B3GALT1: variants seen among roughly 807,000 people sequenced by gnomAD.
B3GALT1 encodes the protein UDP-Gal:betaGlcNAc beta 1,3-galactosyltransferase, polypeptide 1.
B3GALT1 carries 10 observed loss-of-function variants against 23.2 expected under a neutral mutation model. That is an observed-to-expected ratio of 0.43 (90% confidence interval 0.27 to 0.73). B3GALT1 has a LOEUF of 0.73. Ranked by LOEUF, B3GALT1 falls within the 30% of genes least tolerant of loss-of-function variation. The probability of loss-of-function intolerance (pLI) is 0.21; values close to 1 mark genes in which losing one functional copy is unlikely to be tolerated. For missense variants in B3GALT1, 299 were observed against 405.4 expected (o/e 0.74, Z 2.25); for synonymous variants, 156 against 141.5 (o/e 1.10, Z -0.73).
At chr2:167,422,939 A>G (rs887318240) in intron 1 of B3GALT1, among the ~76,000 whole-genome samples, 2 of 152,152 alleles carry the variant, frequency 1.3e-5, no homozygotes, top group Non-Finnish European at 2.9e-5. Flanking sequence ...TACAGAGCTG[A>G]GGGGAGCTAT....
At chr2:167,669,685 A>G (rs1686286503) in intron 3 of B3GALT1, among the ~76,000 whole-genome samples, 1 of 152,232 alleles carries the variant, frequency 6.6e-6, no homozygotes, top group African/African-American at 2.4e-5. Context: ...ATGTATTTCA[A>G]ATATTTTATT....
intron 1 of B3GALT1, among the ~76,000 whole-genome samples, chr2:167,336,496 G>T (rs985711412): frequency 6.6e-6 from 1 of 152,140 alleles, no homozygotes; most frequent in African/African-American, 2.4e-5. Flanking sequence ...ATAAAAGCAG[G>T]TTAGATTAGT....
intron 3 of B3GALT1, among the ~76,000 whole-genome samples, chr2:167,697,641 TAGTG>T (rs1481949495): frequency 1.3e-5 from 2 of 152,286 alleles, no homozygotes; most frequent in African/African-American, 4.8e-5. Flanking sequence ...AGCTAACAGA[TAGTG>T]AGAATTAACC....
chr2:167,739,831 C>T (rs1157713913), intron 3 of B3GALT1, among the ~76,000 whole-genome samples: 3 of 151,200 alleles, frequency 2.0e-5, no homozygotes, highest in African/African-American at 7.3e-5. Context: ...GGACTCACAG[C>T]TGTAATCCCA....
At chr2:167,813,702 A>G (rs550049384) in intron 3 of B3GALT1, among the ~76,000 whole-genome samples, 1 of 152,324 alleles carries the variant, frequency 6.6e-6, no homozygotes, top group African/African-American at 2.4e-5. Context: ...GCTCAGAAGA[A>G]GAAAGAACTC....
chr2:167,640,755 T>C (rs926546034), intron 2 of B3GALT1, among the ~76,000 whole-genome samples: 1 of 152,154 alleles, frequency 6.6e-6, no homozygotes, highest in Non-Finnish European at 1.5e-5. Flanking sequence ...TTCTTTATTA[T>C]GCCCCAGTCT....
intron 1 of B3GALT1, among the ~76,000 whole-genome samples, chr2:167,339,592 G>A (rs965338478): frequency 1.3e-5 from 2 of 152,028 alleles, no homozygotes; most frequent in Non-Finnish European, 2.9e-5. Flanking sequence ...ACTTTTTAAG[G>A]TGGGTGGATG....
intron 1 of B3GALT1, among the ~76,000 whole-genome samples, chr2:167,378,976 A>G (rs1697803356): frequency 6.6e-6 from 1 of 152,136 alleles, no homozygotes; most frequent in Non-Finnish European, 1.5e-5. Context: ...ATTTTCATGT[A>G]GACAGGATTT....
chr2:167,400,594 T>G (rs1455314166), intron 1 of B3GALT1, among the ~76,000 whole-genome samples: 3 of 152,124 alleles, frequency 2.0e-5, no homozygotes, highest in Non-Finnish European at 4.4e-5. Flanking sequence ...ATACATTAAC[T>G]TGCAGAAATT....
intron 3 of B3GALT1, among the ~76,000 whole-genome samples, chr2:167,668,915 C>T (rs1409191199): frequency 3.3e-5 from 5 of 152,214 alleles, no homozygotes; most frequent in East Asian, 3.9e-4. Flanking sequence ...TCTTCTGCGT[C>T]GCTCACGCTG....
chr2:167,674,542 A>C (rs1686389513), intron 3 of B3GALT1, among the ~76,000 whole-genome samples: 1 of 152,216 alleles, frequency 6.6e-6, no homozygotes, highest in Non-Finnish European at 1.5e-5. Flanking sequence ...AAAGAATAAC[A>C]AGCATATGAC....
intron 1 of B3GALT1, among the ~76,000 whole-genome samples, chr2:167,395,744 G>A (rs944117446): frequency 6.6e-6 from 1 of 151,914 alleles, no homozygotes; most frequent in Admixed American, 6.6e-5. Flanking sequence ...GTAGAAAACA[G>A]ATGCTTCCTT....
chr2:167,731,804 C>A (rs1218001039), intron 3 of B3GALT1, among the ~76,000 whole-genome samples: 1 of 152,196 alleles, frequency 6.6e-6, no homozygotes, highest in Non-Finnish European at 1.5e-5. Flanking sequence ...GGACTGTCCT[C>A]TCAAAGTCAG....
intron 3 of B3GALT1, among the ~76,000 whole-genome samples, chr2:167,716,267 C>T (rs1402390976): frequency 2.0e-5 from 3 of 152,230 alleles, no homozygotes; most frequent in Non-Finnish European, 4.4e-5. Flanking sequence ...CCGCACCCTC[C>T]CTCGGCCCCC....
intron 1 of B3GALT1, among the ~76,000 whole-genome samples, chr2:167,320,829 GA>G: frequency 6.6e-6 from 1 of 151,854 alleles, no homozygotes; most frequent in East Asian, 1.9e-4. Context: ...GGCTGTTTAA[GA>G]AAAATAGTTT....
chr2:167,807,158 A>T (rs1413356516), intron 3 of B3GALT1, among the ~76,000 whole-genome samples: 2 of 152,058 alleles, frequency 1.3e-5, no homozygotes, highest in Non-Finnish European at 2.9e-5. Flanking sequence ...ATCAGTGGTG[A>T]TATCCCCTTT....
chr2:167,837,118 A>G (rs1366700908), intron 4 of B3GALT1, among the ~76,000 whole-genome samples: 2 of 152,248 alleles, frequency 1.3e-5, no homozygotes, highest in South Asian at 2.1e-4. Flanking sequence ...AACTGCATCA[A>G]CTAAGGAGCA....
chr2:167,640,648 A>G (rs1558933800), intron 2 of B3GALT1, among the ~76,000 whole-genome samples: 1 of 151,930 alleles, frequency 6.6e-6, no homozygotes, highest in South Asian at 2.1e-4. Flanking sequence ...AGCCTTGTTT[A>G]TTTTACACTG....
chr2:167,623,551 A>G (rs985924847), intron 2 of B3GALT1, among the ~76,000 whole-genome samples: 1 of 152,044 alleles, frequency 6.6e-6, no homozygotes, highest in East Asian at 1.9e-4. Context: ...GAGTTGAACA[A>G]TGAGAACACA....
Sources: allele counts gnomAD v4.1 joint callset (sites outside exome capture counted in the v4.1 genomes callset), GRCh38; gene constraint gnomAD v4.1.1; transcripts MANE v1.5; gene names NCBI Gene and HGNC (gene_info 2026-07-23, HGNC 2026-07-21).